Variants in MYO15B observed in about 807,000 individuals in gnomAD.
The protein encoded by MYO15B is myosin XVB.
A neutral mutation model predicts 119.3 loss-of-function variants in MYO15B; 207 were observed. The observed-to-expected ratio is 1.73, with a 90% CI of 1.55 to 1.95. The LOEUF (loss-of-function observed/expected upper bound fraction) is 1.95, where lower values mean the gene tolerates loss of function less well. Ranked by LOEUF, MYO15B falls within the 30% of genes most tolerant of loss-of-function variation. The pLI, the probability that MYO15B is intolerant of heterozygous loss-of-function variation, is 0.00. For synonymous variants in MYO15B, 966 were observed against 498.9 expected (o/e 1.94, Z -12.48); for missense variants, 2,264 against 1,203.1 (o/e 1.88, Z -13.04).
chr17:75,602,253 TGTCTA>T (rs1472440152), intron 15 of MYO15B: 4 of 568,580 alleles, frequency 7.0e-6, no homozygotes, highest in Non-Finnish European at 9.5e-6. Flanking sequence ...ACAACATTCT[TGTCTA>T]GTCAACCTAT....
In MYO15B at chr17:75,622,442, C is replaced by T. The variant is rs190588518; in HGVS notation, c.8082+362C>T. 7.1e-4 allele frequency among the ~76,000 whole-genome samples: 108 copies of T among 152,256 alleles called. 1 individual carries two copies. Among genetic ancestry groups the T allele is most frequent in the African/African-American group, 2.4e-3 (100 of 41,534 alleles). On this transcript the variant is annotated intron_variant, in intron 53 of 63. Transcript: ENST00000645453. The stretch of plus-strand genomic sequence containing the variant: ...GTGGGGGGAAGCCTCGGCACCATCA[C>T]GCACCGGGACCAGCGTGGCTGAGCC...
chr17:75,595,149 A>G (rs2056772408), intron 12 of MYO15B, 177 bp downstream of exon 12: 2 of 607,376 alleles, frequency 3.3e-6, no homozygotes, highest in Non-Finnish European at 2.9e-6. Context: ...GGTGGGGTGC[A>G]GGGATGGAGA....
intron 15 of MYO15B, 76 bp downstream of exon 15, chr17:75,601,639 G>A (rs751985822): frequency 1.2e-5 from 8 of 668,736 alleles, no homozygotes; most frequent in East Asian, 1.1e-4. Flanking sequence ...ACCCGACAGC[G>A]GAGAGGAGTG....
At chr17:75,625,603 C>A in exon 61 of MYO15B, 1 of 703,036 alleles carries the variant, frequency 1.4e-6, no homozygotes, top group South Asian at 1.5e-5. Flanking sequence ...CCTGATGGGT[C>A]AGGAGCTGAG....
At chr17:75,614,078 G>A (rs565400126) in intron 29 of MYO15B, 121 bp from the exon 30 acceptor site, 10 of 632,186 alleles carry the variant, frequency 1.6e-5, no homozygotes, top group African/African-American at 7.2e-5. Flanking sequence ...CCTGGGTCCC[G>A]GACCAGGCGG....
rs183858625 is a variant in MYO15B at position 75,606,637 on chromosome 17, C to T, written c.4292+616C>T. Among the ~76,000 whole-genome samples, 41 of 152,176 alleles carry T rather than the reference C, an allele frequency of 2.7e-4. No homozygotes were observed. In the East Asian group the frequency reaches 8.0e-3, roughly 30 times the overall value. On this transcript the variant is annotated intron_variant, in intron 21 of 63. Coordinates refer to ENST00000645453, the Ensembl canonical transcript of MYO15B. ...TACAGGCATATGCCACCACGCCTGG[C>T]TAATTTTGTATTTTTAGTAGAGACG...
At position 75,625,269 on chromosome 17, in the gene MYO15B, C is replaced by T. The variant is rs746149527; in HGVS notation, c.8804+31C>T. The T allele has an allele frequency of 2.2e-5, 15 of 678,172 alleles. No homozygotes were observed. In the South Asian group the frequency reaches 2.3e-4, roughly 11 times the overall value. The allele number at this position is 678,172 out of a possible 1,614,324, so 42.0% of individuals were successfully genotyped here. A position where few individuals can be genotyped will look rare whatever the true frequency, so the allele number is the denominator to read the frequency against. ...TGGAGGCACCTCCCGCCCCTAAGCC[C>T]CTCCCCTTCTCTAAGGTCAAGGCCA... On this transcript the variant is annotated intron_variant, in intron 60 of 63. Transcript: ENST00000645453.
Position 75,623,762 on chromosome 17 carries a change from GC to G in MYO15B, c.8083-16del, listed in dbSNP as rs1378960202. On this transcript the variant is annotated intron_variant, in intron 53 of 63. Coordinates refer to ENST00000645453, the Ensembl canonical transcript of MYO15B. ...ACCGCTGCCATCCCTCACCCCACCT[GC>G]CCTTCCTGTCCCCACAGCTGTGCCA... 1 of 703,098 alleles carries G rather than the reference GC, an allele frequency of 1.4e-6. No homozygotes were observed. The allele number at this position is 703,098 out of a possible 1,614,324, so 43.6% of individuals were successfully genotyped here.
chr17:75,615,139 G>C, intron 33 of MYO15B, 97 bp downstream of exon 33: 2 of 678,004 alleles, frequency 2.9e-6, no homozygotes, highest in Non-Finnish European at 5.4e-6. Flanking sequence ...CGATGCCCTG[G>C]CCAGCACCCC....
rs1598893378 is a variant in MYO15B, at chr17:75,618,011, T to C, written c.6927+89T>C. 7.2e-6 allele frequency: 5 copies of C among 690,694 alleles called. No homozygotes were observed. In the South Asian group the frequency reaches 7.5e-5, roughly 10 times the overall value. 42.8% of individuals were successfully genotyped at this position (690,694 alleles called of 1,614,324 possible). A position where few individuals can be genotyped will look rare whatever the true frequency, so the allele number is the denominator to read the frequency against. ...TGCATCCCAGCCTGGGACCCCAGCA[T>C]CCCCTCCCCACAGCCCACCATCTCA... On this transcript the variant is annotated intron_variant, in intron 42 of 63. Coordinates refer to ENST00000645453, the Ensembl canonical transcript of MYO15B.
At chr17:75,616,713 G>A (rs2058394442) in exon 39 of MYO15B, 1 of 702,908 alleles carries the variant, frequency 1.4e-6, no homozygotes, top group Non-Finnish European at 2.6e-6. Flanking sequence ...CAACCCAGCA[G>A]GGAAATTGGC....
intron 53 of MYO15B, among the ~76,000 whole-genome samples, chr17:75,622,672 G>A (rs1568227817): frequency 6.6e-6 from 1 of 152,204 alleles, no homozygotes. Flanking sequence ...AAAAGCAAAA[G>A]GAAGTTATTG....
exon 21 of MYO15B, chr17:75,605,881 G>A (rs2057613652): frequency 2.9e-6 from 2 of 698,946 alleles, no homozygotes; most frequent in South Asian, 1.5e-5. Context: ...TGCAGGAGCA[G>A]GGCTGGCAGC....
At position 75,591,238 on chromosome 17, in the gene MYO15B, C is replaced by T. The variant is rs750851331; in HGVS notation, c.2427C>T (p.Ile809=). ...AGAATACTGGGCAGGACCCATGCAT[C>T]CTCCTGTGGTGAGTGGTGGCCTTCC... The change falls in exon 4 of 64, where the codon ATC becomes ATT. Residue 809 remains isoleucine (I), a synonymous_variant. Transcript: ENST00000645453. The T allele has an allele frequency of 1.4e-4, 98 of 702,920 alleles. No individual in the cohort carries two copies. The Middle Eastern group carries it at 3.9e-3, about 28-fold the overall frequency. The allele number at this position is 702,920 out of a possible 1,614,324, so 43.5% of individuals were successfully genotyped here. A position where few individuals can be genotyped will look rare whatever the true frequency, so the allele number is the denominator to read the frequency against.
rs8076708 is a variant in MYO15B at position 75,603,450 on chromosome 17, C to T, written c.4016+138C>T. ...GCACCCAACCCTCCCTCTCTCTCCTCGTCCTCTCATCCTCTCTCTCTCTCT... is the reference window on the plus strand; with the variant it reads ...GCACCCAACCCTCCCTCTCTCTCCTTGTCCTCTCATCCTCTCTCTCTCTCT... On this transcript the variant is annotated intron_variant, in intron 19 of 63. Coordinates refer to ENST00000645453, the Ensembl canonical transcript of MYO15B. 4.0e-3 allele frequency: 2,469 copies of T among 611,138 alleles called. 38 individuals carry two copies. Among genetic ancestry groups the T allele is most frequent in the African/African-American group, 0.04 (2,157 of 54,322 alleles). The allele number at this position is 611,138 out of a possible 1,614,324, so 37.9% of individuals were successfully genotyped here. A position where few individuals can be genotyped will look rare whatever the true frequency, so the allele number is the denominator to read the frequency against.
At chr17:75,594,405 G>A (rs1439437649) in intron 9 of MYO15B, 70 bp from the exon 10 acceptor site, 10 of 567,702 alleles carry the variant, frequency 1.8e-5, no homozygotes, top group Admixed American at 6.7e-5. Flanking sequence ...GGCAAAGCCC[G>A]GCCTGCCCTG....
Position 75,588,715 on chromosome 17 carries a change from G to A in MYO15B, c.658G>A (p.Gly220Ser), listed in dbSNP as rs554278280. ...CGACTGGCCCCACGCAGATACCCGG[G>A]GCCGGGAAGGGTCGTCGGGGACGGG... is the stretch of plus-strand genomic sequence containing the variant. Residue 220 changes from glycine (G) to serine (S), a missense_variant, in exon 1 of 64, where the codon GGC (glycine) becomes AGC (serine). Coordinates refer to ENST00000645453, the Ensembl canonical transcript of MYO15B. 4.2e-4 allele frequency: 168 copies of A among 398,866 alleles called. 4 individuals carry two copies. The highest frequency in any genetic ancestry group is 2.6e-3 in the African/African-American group (126 of 48,504). The allele number at this position is 398,866 out of a possible 1,614,324, so 24.7% of individuals were successfully genotyped here. A position where few individuals can be genotyped will look rare whatever the true frequency, so the allele number is the denominator to read the frequency against.
exon 59 of MYO15B, chr17:75,624,856 C>A: frequency 1.4e-6 from 1 of 703,030 alleles, no homozygotes; most frequent in Non-Finnish European, 2.6e-6. Flanking sequence ...GCCGGCGGCT[C>A]CACTGGGAGA....
chr17:75,594,913 C>G, exon 12 of MYO15B: 1 of 703,076 alleles, frequency 1.4e-6, no homozygotes, highest in East Asian at 2.7e-5. Flanking sequence ...ACGGCTGGCA[C>G]CACCAGGGGA....
Sources: allele counts gnomAD v4.1 joint callset (sites outside exome capture counted in the v4.1 genomes callset), GRCh38; gene constraint gnomAD v4.1.1; transcripts MANE v1.5; gene names NCBI Gene and HGNC (gene_info 2026-07-23, HGNC 2026-07-21).